The following AFG2A variants were observed in gnomAD, a reference collection of about 807,000 sequenced individuals.
The protein encoded by AFG2A is ATPase family gene 2 protein homolog A.
the AFG2A span, among the ~76,000 whole-genome samples, chr4:123,127,220 A>G: frequency 6.6e-5 from 10 of 152,230 alleles, no homozygotes; most frequent in African/African-American, 2.2e-4. Context: ...ATAAATAAAC[A>G]TAAGACACAG....
the AFG2A span, among the ~76,000 whole-genome samples, chr4:123,225,458 T>G: frequency 1.3e-5 from 2 of 152,234 alleles, no homozygotes; most frequent in African/African-American, 4.8e-5. Context: ...CACCATTTAT[T>G]AACTAAGGAA....
the AFG2A span, among the ~76,000 whole-genome samples, chr4:122,943,593 T>C: frequency 6.6e-6 from 1 of 152,168 alleles, no homozygotes; most frequent in African/African-American, 2.4e-5. Flanking sequence ...TTATCCAGTT[T>C]GCCAGTCTGT....
At chr4:123,238,771 C>G in the AFG2A span, among the ~76,000 whole-genome samples, 1 of 152,178 alleles carries the variant, frequency 6.6e-6, no homozygotes, top group Non-Finnish European at 1.5e-5. Flanking sequence ...ACCAGAGCGC[C>G]TCTTCTCCTC....
the AFG2A span, among the ~76,000 whole-genome samples, chr4:123,007,648 C>CAT: frequency 1.0e-4 from 4 of 39,848 alleles, no homozygotes; most frequent in Non-Finnish European, 1.4e-4. Flanking sequence ...ACACAACACA[C>CAT]ACACACACAC....
chr4:123,271,646 C>G, the AFG2A span, among the ~76,000 whole-genome samples: 4 of 152,258 alleles, frequency 2.6e-5, no homozygotes, highest in South Asian at 8.3e-4. Flanking sequence ...GTTTATTCCT[C>G]TGGGTTAAGT....
the AFG2A span, among the ~76,000 whole-genome samples, chr4:123,102,880 A>G: frequency 6.6e-6 from 1 of 151,118 alleles, no homozygotes; most frequent in Non-Finnish European, 1.5e-5. Flanking sequence ...TAGAAAACCT[A>G]GTTCCTTTAT....
At chr4:123,034,337 T>C in the AFG2A span, among the ~76,000 whole-genome samples, 24 of 151,958 alleles carry the variant, frequency 1.6e-4, no homozygotes, top group African/African-American at 5.6e-4. Context: ...ATAATAGCAC[T>C]TTACTTCTGT....
chr4:122,986,726 A>G, the AFG2A span, among the ~76,000 whole-genome samples: 2 of 152,246 alleles, frequency 1.3e-5, no homozygotes, highest in East Asian at 3.9e-4. Context: ...TACCACCTGT[A>G]CCCCCAATAA....
chr4:122,934,750 T>G, the AFG2A span: 4 of 1,539,028 alleles, frequency 2.6e-6, no homozygotes, highest in African/African-American at 5.6e-5. Context: ...TATGATGTCT[T>G]CAGTTTATTG....
the AFG2A span, among the ~76,000 whole-genome samples, chr4:123,256,371 T>G: frequency 2.0e-5 from 3 of 152,304 alleles, no homozygotes; most frequent in Non-Finnish European, 4.4e-5. Context: ...ATCACAATTG[T>G]TTTTTACTTG....
At chr4:123,163,306 C>T in the AFG2A span, among the ~76,000 whole-genome samples, 1 of 152,088 alleles carries the variant, frequency 6.6e-6, no homozygotes, top group Admixed American at 6.5e-5. Flanking sequence ...CATGGTGGCG[C>T]GTGCCTGTAA....
the AFG2A span, chr4:122,934,350 T>TAG: frequency 6.2e-7 from 1 of 1,614,216 alleles, no homozygotes; most frequent in Admixed American, 1.7e-5. Flanking sequence ...GTACTCCTTA[T>TAG]AAACCAATTG....
the AFG2A span, chr4:122,935,624 A>G: frequency 2.1e-6 from 3 of 1,416,236 alleles, no homozygotes; most frequent in Non-Finnish European, 2.8e-6. Flanking sequence ...AGGTAAAGTT[A>G]AATTTTATAA....
At chr4:123,193,503 C>G in the AFG2A span, among the ~76,000 whole-genome samples, 1 of 152,186 alleles carries the variant, frequency 6.6e-6, no homozygotes, top group African/African-American at 2.4e-5. Context: ...CAATAACAAT[C>G]TTTACTTTTA....
the AFG2A span, among the ~76,000 whole-genome samples, chr4:123,270,359 A>G: frequency 6.6e-5 from 10 of 152,340 alleles, no homozygotes; most frequent in Admixed American, 3.9e-4. Context: ...TCATTGGTGG[A>G]TATTTAAAAA....
chr4:123,280,000 A>G, the AFG2A span, among the ~76,000 whole-genome samples: 1 of 152,232 alleles, frequency 6.6e-6, no homozygotes, highest in African/African-American at 2.4e-5. Flanking sequence ...CGCATTTATG[A>G]TAGAGCCATA....
the AFG2A span, among the ~76,000 whole-genome samples, chr4:122,977,349 A>G: frequency 6.6e-6 from 1 of 152,206 alleles, no homozygotes; most frequent in South Asian, 2.1e-4. Flanking sequence ...AGGTCCGGCC[A>G]CTGCACACAG....
the AFG2A span, among the ~76,000 whole-genome samples, chr4:123,185,317 A>G: frequency 5.3e-5 from 8 of 151,984 alleles, no homozygotes; most frequent in African/African-American, 1.9e-4. Flanking sequence ...TCTAGTATTC[A>G]AAGGTTCATA....
the AFG2A span, among the ~76,000 whole-genome samples, chr4:122,965,325 TTTG>T: frequency 6.6e-6 from 1 of 152,130 alleles, no homozygotes; most frequent in Non-Finnish European, 1.5e-5. Context: ...CAAGATGATG[TTTG>T]TTGTTTGCAT....
Sources: gnomAD v4.1 joint callset for allele counts (sites outside exome capture counted in the v4.1 genomes callset) on GRCh38, gnomAD v4.1.1 for gene constraint, MANE v1.5 for transcripts, NCBI Gene and HGNC (gene_info 2026-07-23, HGNC 2026-07-21) for gene names.